The following FGF13 variants were observed in gnomAD, a reference collection of about 807,000 sequenced individuals.
The protein encoded by FGF13 is fibroblast growth factor homologous factor 2.
A neutral mutation model predicts 19.5 loss-of-function variants in FGF13; 2 were observed. That is an observed-to-expected ratio of 0.10 (90% CI 0.04 to 0.32). FGF13 has a LOEUF of 0.32. Among genes scored for constraint, FGF13 ranks in the 10% least tolerant of loss-of-function variants. The probability of loss-of-function intolerance (pLI) is 1.00; values close to 1 mark genes in which losing one functional copy is unlikely to be tolerated. For missense variants in FGF13, 113 were observed against 192.7 expected, an observed-to-expected ratio of 0.59 and a Z score of 2.45; for synonymous variants, 72 against 76.9, an observed-to-expected ratio of 0.94 and a Z score of 0.33.
At chrX:139,152,314 T>TA (rs59165472) in intron 1 of FGF13, among the ~76,000 whole-genome samples, 1,310 of 75,042 alleles carry the variant, frequency 0.017, 19 homozygotes, top group African/African-American at 0.047. Context: ...GTGATTAAGT[T>TA]AAAAAAAAAA....
At chrX:139,197,614 A>G (rs1429385316) in intron 1 of FGF13, among the ~76,000 whole-genome samples, 1 of 111,752 alleles carries the variant, frequency 8.9e-6, no homozygotes, top group Non-Finnish European at 1.9e-5. Context: ...TCAACAGGGG[A>G]TGAAGAGTGT....
intron 1 of FGF13, among the ~76,000 whole-genome samples, chrX:139,125,806 G>C (rs2083711152): frequency 9.0e-6 from 1 of 111,133 alleles, no homozygotes; most frequent in African/African-American, 3.3e-5. Flanking sequence ...GAACGGACAA[G>C]GATAGAGGGT....
intron 1 of FGF13, among the ~76,000 whole-genome samples, chrX:138,722,542 T>A (rs754367314): frequency 1.8e-3 from 199 of 111,220 alleles, no homozygotes; most frequent in African/African-American, 6.2e-3. Context: ...TCTGAGATAA[T>A]CTAATTCAAT....
At chrX:138,684,426 AT>A (rs751912719) in intron 3 of FGF13, among the ~76,000 whole-genome samples, 1 of 110,578 alleles carries the variant, frequency 9.0e-6, no homozygotes, top group African/African-American at 3.3e-5. Flanking sequence ...AAAATCACTC[AT>A]TTTTTTTCTG....
At chrX:139,065,481 C>CAAAAAAAAAAAAA (rs767805587) in intron 1 of FGF13, among the ~76,000 whole-genome samples, 16 of 30,717 alleles carry the variant, frequency 5.2e-4, no homozygotes, top group East Asian at 2.3e-3. Flanking sequence ...AAACGGAAAG[C>CAAAAAAAAAAAAA]AAAAAAAAAA....
intron 3 of FGF13, among the ~76,000 whole-genome samples, chrX:138,814,845 C>T (rs751790805): frequency 9.8e-4 from 109 of 110,779 alleles, no homozygotes; most frequent in South Asian, 1.9e-3. Flanking sequence ...TCTGGATACA[C>T]GTTAAAAAAA....
chrX:138,753,141 C>G (rs367870982), intron 3 of FGF13, among the ~76,000 whole-genome samples: 4 of 111,865 alleles, frequency 3.6e-5, no homozygotes, highest in East Asian at 2.8e-4. Context: ...GGCCTCTGTT[C>G]TGTTGTTCTA....
chrX:138,737,364 A>G (rs191035259), intron 1 of FGF13, among the ~76,000 whole-genome samples: 2 of 111,852 alleles, frequency 1.8e-5, no homozygotes, highest in East Asian at 5.7e-4. Flanking sequence ...TTTGCATTGC[A>G]TTGTTCTACC....
rs144709757 is a variant in FGF13, at chrX:138,676,638, G to A, written c.402+26346C>T. On this transcript the variant is annotated intron_variant, in intron 3 of 4. Coordinates refer to ENST00000315930, the MANE Select transcript of FGF13 (RefSeq NM_004114.5). Reference sequence around the variant, plus strand: ...GGGTGGTGGAAGCGGTGAGGGTTTCGTGATGAAACTATCCCACCTCATATC... The same window carrying A: ...GGGTGGTGGAAGCGGTGAGGGTTTCATGATGAAACTATCCCACCTCATATC... Among the ~76,000 whole-genome samples the A allele has an allele frequency of 1.3e-4, 14 of 111,295 alleles. No individual in the cohort carries two copies. The East Asian group carries it at 3.7e-3, about 30-fold the overall frequency.
At chrX:138,866,945 A>C (rs1307540816) in intron 1 of FGF13, among the ~76,000 whole-genome samples, 1 of 111,740 alleles carries the variant, frequency 8.9e-6, no homozygotes, top group Non-Finnish European at 1.9e-5. Flanking sequence ...TGGAAACACA[A>C]CTAAAGGTTG....
At chrX:138,857,928 C>G (rs1297796282) in intron 2 of FGF13, among the ~76,000 whole-genome samples, 2 of 111,974 alleles carry the variant, frequency 1.8e-5, no homozygotes, top group Admixed American at 1.9e-4. Context: ...TTAAATCATA[C>G]CCAAAGTGCA....
chrX:139,204,203 C>T (rs1035205463), upstream of FGF13: 2 of 806,564 alleles, frequency 2.5e-6, no homozygotes, highest in Non-Finnish European at 3.7e-6. Context: ...AAGTCTCGAC[C>T]ACGAGCTCCC....
chrX:139,110,139 T>C (rs1033460996), intron 1 of FGF13, among the ~76,000 whole-genome samples: 1 of 111,006 alleles, frequency 9.0e-6, no homozygotes, highest in African/African-American at 3.3e-5. Flanking sequence ...TATGTAAATA[T>C]ATTTATATTT....
chrX:139,131,298 C>T (rs2083758277), intron 1 of FGF13, among the ~76,000 whole-genome samples: 1 of 110,943 alleles, frequency 9.0e-6, no homozygotes, highest in South Asian at 3.8e-4. Context: ...GCCATTTAAC[C>T]TTTCTGAGCC....
chrX:138,635,415 A>G, intron 4 of FGF13, 42 bp downstream of exon 4: 1 of 1,134,528 alleles, frequency 8.8e-7, no homozygotes, highest in Non-Finnish European at 1.2e-6. Flanking sequence ...AAATAAGTAT[A>G]TTTAGTAGCA....
chrX:139,073,817 C>T (rs932196773), intron 1 of FGF13, among the ~76,000 whole-genome samples: 2 of 112,551 alleles, frequency 1.8e-5, no homozygotes, highest in Admixed American at 1.9e-4. Flanking sequence ...CACAGAGCTA[C>T]TAGTTTCCTA....
chrX:138,683,819 A>G (rs775345465), intron 3 of FGF13, among the ~76,000 whole-genome samples: 3 of 111,917 alleles, frequency 2.7e-5, no homozygotes, highest in African/African-American at 9.7e-5. Context: ...AGGACAATTA[A>G]GTGGAGGCAA....
chrX:139,121,212 A>T (rs1007886211), intron 1 of FGF13, among the ~76,000 whole-genome samples: 1 of 112,118 alleles, frequency 8.9e-6, no homozygotes, highest in African/African-American at 3.2e-5. Context: ...TTATGAAAAG[A>T]TCAGACAGGA....
At chrX:138,763,016 G>A (rs1168785888) in intron 3 of FGF13, among the ~76,000 whole-genome samples, 1 of 110,869 alleles carries the variant, frequency 9.0e-6, no homozygotes, top group East Asian at 2.8e-4. Flanking sequence ...TTTCCAAAAT[G>A]GCTGAGTTTT....
Sources: gnomAD v4.1 joint callset for allele counts (sites outside exome capture counted in the v4.1 genomes callset) on GRCh38, gnomAD v4.1.1 for gene constraint, MANE v1.5 for transcripts, NCBI Gene and HGNC (gene_info 2026-07-23, HGNC 2026-07-21) for gene names.